Variants in KRT222 observed in about 807,000 individuals in gnomAD.
KRT222 encodes the protein keratin-like protein KRT222.
In KRT222, 23 loss-of-function variants were observed where a neutral mutation model predicts 35.0. That is an observed-to-expected ratio of 0.66 (90% CI 0.47 to 0.93). KRT222 has a LOEUF of 0.93. Ranked by LOEUF, KRT222 falls within the 40% of genes least tolerant of loss-of-function variation. KRT222 has a pLI of 0.00. For missense variants in KRT222, 339 were observed against 346.3 expected (o/e 0.98, Z 0.17); for synonymous variants, 108 against 118.8 (o/e 0.91, Z 0.59).
chr17:40,661,645 T>C (rs2037384600), intron 2 of KRT222, among the ~76,000 whole-genome samples: 1 of 152,204 alleles, frequency 6.6e-6, no homozygotes, highest in African/African-American at 2.4e-5. Flanking sequence ...ACGAATGCTC[T>C]ATTCCCTATC....
At position 40,662,057 on chromosome 17, in the gene KRT222, C is replaced by A. The variant is rs772160565; in HGVS notation, c.97-13G>T. 8.7e-6 allele frequency: 14 copies of A among 1,610,036 alleles called. No homozygotes were observed. The East Asian group carries it at 2.9e-4, about 33-fold the overall frequency. On this transcript the variant is annotated splice_polypyrimidine_tract_variant and intron_variant, in intron 1 of 5. Transcript: ENST00000394052. ...TGTCTTCTTCTAGCTAACAAGAAAG[C>A]CAACAGCAACAATAACAAACAAAAA...
At chr17:40,657,081 G>A (rs549112945) in intron 5 of KRT222, 44 of 213,158 alleles carry the variant, frequency 2.1e-4, no homozygotes, top group South Asian at 4.2e-4. Flanking sequence ...GTGTGGTGGC[G>A]CGCACCTGTA....
chr17:40,664,727 T>C (rs1360678901), intron 1 of KRT222, among the ~76,000 whole-genome samples: 1 of 152,226 alleles, frequency 6.6e-6, no homozygotes, highest in Non-Finnish European at 1.5e-5. Flanking sequence ...GAGTGCACCA[T>C]TTTATGGTAT....
intron 2 of KRT222, 26 bp downstream of exon 2, chr17:40,661,890 T>C (rs749434476): frequency 1.2e-5 from 19 of 1,609,056 alleles, no homozygotes; most frequent in Middle Eastern, 1.7e-4. Flanking sequence ...ACTCGATGGG[T>C]CGGTTACTTT....
Position 40,661,974 on chromosome 17 carries a change from T to C in KRT222, c.167A>G (p.Lys56Arg). 2 of 1,614,196 alleles carry C rather than the reference T, an allele frequency of 1.2e-6. No individual in the cohort carries two copies. The highest frequency in any genetic ancestry group is 1.7e-6 in the Non-Finnish European group (2 of 1,180,014). Reference sequence around the variant, plus strand: ...GTGGTGCCACTGGCGTCGGGCCTCCTTGAGTTCTGCTTGAGCTGCCTTCAA... The same window carrying C: ...GTGGTGCCACTGGCGTCGGGCCTCCCTGAGTTCTGCTTGAGCTGCCTTCAA... The part of the protein sequence containing the change: ...EALKAAQAEL[K>R]EARRQWHHLQ... The change falls in exon 2 of 6, where the codon AAG (lysine) becomes AGG (arginine). Residue 56 changes from lysine to arginine, a missense_variant. By Grantham distance (26) the Lys-to-Arg change is conservative (BLOSUM62 2). Transcript: ENST00000394052.
chr17:40,657,278 T>C lies in KRT222; in HGVS notation c.659+74A>G, dbSNP rs1295831260. The C allele has an allele frequency of 7.8e-6, 8 of 1,019,754 alleles. No homozygotes were observed. In the African/African-American group the frequency reaches 9.9e-5, roughly 13 times the overall value. 63.2% of individuals were successfully genotyped at this position (1,019,754 alleles called of 1,614,324 possible). On this transcript the variant is annotated intron_variant, in intron 5 of 5. Transcript: ENST00000394052. Reference sequence around the variant, plus strand: ...GAAACATTTAAACAAAGAAGAGTAATTACTGGGATTACGCAAAGTTAATTT... The same window carrying C: ...GAAACATTTAAACAAAGAAGAGTAACTACTGGGATTACGCAAAGTTAATTT...
intron 1 of KRT222, among the ~76,000 whole-genome samples, chr17:40,662,578 C>CA (rs1411347694): frequency 1.3e-5 from 2 of 152,110 alleles, no homozygotes; most frequent in Non-Finnish European, 2.9e-5. Flanking sequence ...ATAAGGCTCA[C>CA]AAATAGACTT....
chr17:40,663,077 G>A (rs1304687679), intron 1 of KRT222, among the ~76,000 whole-genome samples: 1 of 152,174 alleles, frequency 6.6e-6, no homozygotes, highest in Non-Finnish European at 1.5e-5. Flanking sequence ...ACTTGGCAAA[G>A]TCAGGCAGCA....
In KRT222 at chr17:40,657,899, G is replaced by A. The variant is rs1436270359; in HGVS notation, c.447-149C>T. On this transcript the variant is annotated intron_variant, in intron 3 of 5. Transcript: ENST00000394052. Reference sequence around the variant, plus strand: ...ACTAAGGCTTCACCGTATCTTTATGGATTGATCCCCTAAGAATAATATTGA... The same window carrying A: ...ACTAAGGCTTCACCGTATCTTTATGAATTGATCCCCTAAGAATAATATTGA... The A allele has an allele frequency of 5.2e-6, 3 of 572,054 alleles. No homozygotes were observed. The African/African-American group carries it at 5.6e-5, about 11-fold the overall frequency. 35.4% of individuals were successfully genotyped at this position (572,054 alleles called of 1,614,324 possible).
At chr17:40,660,984 G>A (rs890915094) in intron 2 of KRT222, among the ~76,000 whole-genome samples, 3 of 151,960 alleles carry the variant, frequency 2.0e-5, no homozygotes, top group Non-Finnish European at 2.9e-5. Context: ...TCGCTCTGTC[G>A]CTCATGCTGG....
rs754881358 is a variant in KRT222, at chr17:40,665,146, T to A, written c.-47A>T. On this transcript the variant is annotated 5_prime_UTR_variant, in exon 1 of 6. Transcript: ENST00000394052. Reference sequence around the variant, plus strand: ...GGCTAACTGAACCTTATCGATAGGATGAGTCGCTGCGGCAGTCTGCTCGGT... The same window carrying A: ...GGCTAACTGAACCTTATCGATAGGAAGAGTCGCTGCGGCAGTCTGCTCGGT... 2 of 1,574,662 alleles carry A rather than the reference T, an allele frequency of 1.3e-6. No individual in the cohort carries two copies. Among genetic ancestry groups the A allele is most frequent in the South Asian group, 2.2e-5 (2 of 90,256 alleles).
intron 2 of KRT222, among the ~76,000 whole-genome samples, chr17:40,661,247 A>C (rs1306627791): frequency 6.7e-6 from 1 of 148,716 alleles, no homozygotes; most frequent in Non-Finnish European, 1.5e-5. Flanking sequence ...ACATGCTTAA[A>C]TATTTTTCTT....
At chr17:40,658,473 T>G (rs76851602) in intron 3 of KRT222, among the ~76,000 whole-genome samples, 1,729 of 152,220 alleles carry the variant, frequency 0.011, 25 homozygotes, top group South Asian at 0.07. Flanking sequence ...CACATTTACA[T>G]AGAACTTACA....
rs2144027026 is a variant in KRT222 at position 40,654,903 on chromosome 17, T to C, written c.*1499A>G. ...AATCATCCCTTTTCACTAAATAGAA[T>C]AAACCAGACTAAAAGGAATCTGAAG... On this transcript the variant is annotated 3_prime_UTR_variant, in exon 6 of 6. Coordinates refer to ENST00000394052, the MANE Select transcript of KRT222 (RefSeq NM_152349.3). 1 of 151,262 alleles carries C rather than the reference T, an allele frequency of 6.6e-6. No homozygotes were observed. Among genetic ancestry groups the C allele is most frequent in the South Asian group, 2.1e-4 (1 of 4,802 alleles). The allele number at this position is 151,262 out of a possible 1,614,324, so 9.4% of individuals were successfully genotyped here. A position where few individuals can be genotyped will look rare whatever the true frequency, so the allele number is the denominator to read the frequency against.
chr17:40,656,733 AT>A lies in KRT222; in HGVS notation c.660-104del. On this transcript the variant is annotated intron_variant, in intron 5 of 5. Transcript: ENST00000394052. ...ATGGAAAAATCAAGAAATTTGTATA[AT>A]TTATAGTGTATAGAATTTATAATGT... The A allele has an allele frequency of 8.0e-6, 5 of 625,198 alleles. No individual in the cohort carries two copies. The South Asian group carries it at 9.1e-5, about 11-fold the overall frequency. The allele number at this position is 625,198 out of a possible 1,614,324, so 38.7% of individuals were successfully genotyped here.
At chr17:40,664,508 CTATTTA>C in intron 1 of KRT222, among the ~76,000 whole-genome samples, 1 of 152,214 alleles carries the variant, frequency 6.6e-6, no homozygotes, top group Non-Finnish European at 1.5e-5. Context: ...CAGATGATTT[CTATTTA>C]TAACAATCTG....
rs1290150723 is a variant in KRT222 at position 40,655,547 on chromosome 17, T to A, written c.*855A>T. The A allele has an allele frequency of 6.6e-6, 1 of 152,112 alleles. No homozygotes were observed. Among genetic ancestry groups the A allele is most frequent in the East Asian group, 1.9e-4 (1 of 5,204 alleles). The allele number at this position is 152,112 out of a possible 1,614,324, so 9.4% of individuals were successfully genotyped here. A position where few individuals can be genotyped will look rare whatever the true frequency, so the allele number is the denominator to read the frequency against. On this transcript the variant is annotated 3_prime_UTR_variant, in exon 6 of 6. Coordinates refer to ENST00000394052, the MANE Select transcript of KRT222 (RefSeq NM_152349.3). The stretch of plus-strand genomic sequence containing the variant: ...AATCTAATCACATTTAGCTTTACAG[T>A]TGGAAAAACTGGGATGGTGGGTAAC...
chr17:40,661,918 C>T lies in KRT222; in HGVS notation c.223G>A (p.Val75Met), dbSNP rs966009955. ...GTTACTTTTGGGATCATTCTCACCA[C>T]AGCATGGAGAGATTCAATTTCCACT... ...LQVEIESLHAVERGLENSLHA... is the reference protein window; with the variant it reads ...LQVEIESLHAMERGLENSLHA... The change falls in exon 2 of 6, where the codon GTG (valine) becomes ATG (methionine). Residue 75 changes from valine (V) to methionine (M), a missense_variant and splice_region_variant. Physicochemically the swap from Val to Met is conservative, Grantham distance 21. Coordinates refer to ENST00000394052, the MANE Select transcript of KRT222 (RefSeq NM_152349.3). The T allele has an allele frequency of 1.9e-6, 3 of 1,613,858 alleles. No homozygotes were observed. The highest frequency in any genetic ancestry group is 1.7e-5 in the Admixed American group (1 of 59,942).
At chr17:40,663,897 AT>A (rs1388726956) in intron 1 of KRT222, among the ~76,000 whole-genome samples, 1 of 151,968 alleles carries the variant, frequency 6.6e-6, no homozygotes, top group Non-Finnish European at 1.5e-5. Flanking sequence ...TCATCTATTG[AT>A]TTTTTTCTTC....
Sources: gnomAD v4.1 joint callset for allele counts (sites outside exome capture counted in the v4.1 genomes callset) on GRCh38, gnomAD v4.1.1 for gene constraint, MANE v1.5 for transcripts, NCBI Gene and HGNC (gene_info 2026-07-23, HGNC 2026-07-21) for gene names.